The following HSPBAP1 variants were observed in gnomAD, a reference collection of about 807,000 sequenced individuals.
The protein encoded by HSPBAP1 is HSPB1-associated protein 1.
A neutral mutation model predicts 45.2 loss-of-function variants in HSPBAP1; 27 were observed. The observed-to-expected ratio is 0.60, with a 90% CI of 0.44 to 0.82. The LOEUF is 0.82. Ranked by LOEUF, HSPBAP1 falls within the 40% of genes least tolerant of loss-of-function variation. HSPBAP1 has a pLI of 0.00. For synonymous variants in HSPBAP1, 204 were observed against 202.7 expected (o/e 1.01, Z -0.06); for missense variants, 510 against 590.9 (o/e 0.86, Z 1.42).
intron 6 of HSPBAP1, among the ~76,000 whole-genome samples, chr3:122,747,454 G>A (rs1263807551): frequency 2.6e-5 from 4 of 151,548 alleles, no homozygotes; most frequent in Non-Finnish European, 5.9e-5. Flanking sequence ...GAGCGTCTCC[G>A]CCCGGCCAGC....
intron 1 of HSPBAP1, among the ~76,000 whole-genome samples, chr3:122,779,824 G>A (rs911993183): frequency 6.6e-6 from 1 of 151,844 alleles, no homozygotes; most frequent in African/African-American, 2.4e-5. Context: ...AGGGTTGGGG[G>A]TAAGGTCACA....
At chr3:122,760,407 A>G (rs1184087524) in intron 3 of HSPBAP1, among the ~76,000 whole-genome samples, 2 of 152,120 alleles carry the variant, frequency 1.3e-5, no homozygotes, top group African/African-American at 2.4e-5. Flanking sequence ...ATCGTTCTCA[A>G]TGCTGACACT....
intron 2 of HSPBAP1, among the ~76,000 whole-genome samples, chr3:122,770,400 C>CT (rs1464438878): frequency 2.0e-5 from 3 of 152,126 alleles, no homozygotes; most frequent in Admixed American, 2.0e-4. Flanking sequence ...TACATAAACT[C>CT]TTAACATACC....
At chr3:122,761,585 T>C (rs1934583204) in intron 3 of HSPBAP1, 1 of 150,964 alleles carries the variant, frequency 6.6e-6, no homozygotes, top group Non-Finnish European at 1.5e-5. Context: ...GCGTGGGCAA[T>C]GTTTGGTGAG....
intron 4 of HSPBAP1, among the ~76,000 whole-genome samples, chr3:122,757,820 C>A (rs1441930453): frequency 1.3e-5 from 2 of 152,148 alleles, no homozygotes; most frequent in African/African-American, 4.8e-5. Context: ...ACTTGAATTT[C>A]TTTGGCTTGT....
intron 1 of HSPBAP1, among the ~76,000 whole-genome samples, chr3:122,785,911 G>C (rs1935639152): frequency 6.6e-6 from 1 of 152,058 alleles, no homozygotes; most frequent in Non-Finnish European, 1.5e-5. Context: ...GTGTGTGTGT[G>C]TGTGTGCACG....
chr3:122,762,369 C>A (rs1934624034), intron 3 of HSPBAP1, among the ~76,000 whole-genome samples: 1 of 151,864 alleles, frequency 6.6e-6, no homozygotes, highest in Non-Finnish European at 1.5e-5. Context: ...TAAAGCCTGG[C>A]TCCCAAACTG....
At chr3:122,780,617 A>C (rs1344784858) in intron 1 of HSPBAP1, among the ~76,000 whole-genome samples, 81 of 103,060 alleles carry the variant, frequency 7.9e-4, no homozygotes, top group East Asian at 2.3e-3. Context: ...ACCCCCCCAC[A>C]TCCCTCCCGG....
At chr3:122,779,100 TGGCGCAGTCTC>T in intron 1 of HSPBAP1, among the ~76,000 whole-genome samples, 1 of 151,960 alleles carries the variant, frequency 6.6e-6, no homozygotes, top group Admixed American at 6.6e-5. Context: ...TGGAGTGCAG[TGGCGCAGTCTC>T]GGCTCACTGC....
Position 122,759,317 on chromosome 3 carries a change from T to C in HSPBAP1, c.476A>G (p.Gln159Arg), listed in dbSNP as rs1934483486. 1.2e-6 allele frequency: 2 copies of C among 1,613,874 alleles called. No homozygotes were observed. Among genetic ancestry groups the C allele is most frequent in the Admixed American group, 1.7e-5 (1 of 60,000 alleles). Residue 159 changes from glutamine to arginine, a missense_variant, in exon 4 of 8, where the codon CAG becomes CGG. Gln to Arg is a conservative substitution (Grantham distance 43, BLOSUM62 1). Transcript: ENST00000306103. ...SDFGFPGRNG[Q>R]ESTLWIGSLG... is the part of the protein sequence containing the mutation. ...GGAGCCAATCCACAATGTACTTTCC[T>C]GTCCATTTCTTCCAGGAAACCCGAA... is the stretch of plus-strand genomic sequence containing the variant.
intron 3 of HSPBAP1, among the ~76,000 whole-genome samples, chr3:122,763,777 C>T (rs572084632): frequency 6.6e-6 from 1 of 152,280 alleles, no homozygotes; most frequent in African/African-American, 2.4e-5. Context: ...AATCATACTC[C>T]AGATTAAAAT....
At chr3:122,761,378 A>G (rs946318089) in intron 3 of HSPBAP1, among the ~76,000 whole-genome samples, 1 of 149,808 alleles carries the variant, frequency 6.7e-6, no homozygotes, top group African/African-American at 2.5e-5. Flanking sequence ...TGCTTTGGAA[A>G]GAATCACTGA....
At chr3:122,742,183 A>G (rs1576228812) in intron 6 of HSPBAP1, among the ~76,000 whole-genome samples, 1 of 149,600 alleles carries the variant, frequency 6.7e-6, no homozygotes, top group East Asian at 1.9e-4. Flanking sequence ...ATATACATAT[A>G]TTAATATATG....
intron 6 of HSPBAP1, among the ~76,000 whole-genome samples, chr3:122,746,622 T>C (rs1234899215): frequency 6.6e-6 from 1 of 151,038 alleles, no homozygotes; most frequent in Non-Finnish European, 1.5e-5. Flanking sequence ...CTCTCCTCTC[T>C]CCTCTCTCTC....
chr3:122,793,774 C>A lies in HSPBAP1; in HGVS notation c.-94G>T. Reference sequence around the variant, plus strand: ...CCAAACTCCGAGACCCGAAGCTGCACCACAGGAAGGAGCCCCGGCGACTCC... The same window carrying A: ...CCAAACTCCGAGACCCGAAGCTGCAACACAGGAAGGAGCCCCGGCGACTCC... On this transcript the variant is annotated 5_prime_UTR_variant, in exon 1 of 8. Coordinates refer to ENST00000306103, the MANE Select transcript of HSPBAP1 (RefSeq NM_024610.6). 8.3e-7 allele frequency: 1 copy of A among 1,208,552 alleles called. No individual in the cohort carries two copies. Among genetic ancestry groups the A allele is most frequent in the Non-Finnish European group, 1.2e-6 (1 of 834,660 alleles). The allele number at this position is 1,208,552 out of a possible 1,614,324, so 74.9% of individuals were successfully genotyped here. A position where few individuals can be genotyped will look rare whatever the true frequency, so the allele number is the denominator to read the frequency against.
intron 1 of HSPBAP1, among the ~76,000 whole-genome samples, chr3:122,783,836 T>C (rs1935569527): frequency 2.0e-5 from 1 of 50,594 alleles, no homozygotes; most frequent in Non-Finnish European, 7.1e-5. Context: ...CAACTTTCTT[T>C]TTTTTTTTTT....
At chr3:122,740,947 A>G in intron 7 of HSPBAP1, 56 bp downstream of exon 7, 1 of 1,607,152 alleles carries the variant, frequency 6.2e-7, no homozygotes, top group South Asian at 1.1e-5. Flanking sequence ...TGTTCTAGTC[A>G]GGGCTGGTTT....
At chr3:122,778,524 T>TTTA (rs1491254349) in intron 1 of HSPBAP1, among the ~76,000 whole-genome samples, 5,920 of 37,272 alleles carry the variant, frequency 0.16, 383 homozygotes, top group African/African-American at 0.3. Context: ...TTTTTTTTTA[T>TTTA]TTTTTTTTTT....
chr3:122,741,143 T>C, intron 6 of HSPBAP1, 30 bp from the exon 7 acceptor site: 1 of 1,471,650 alleles, frequency 6.8e-7, no homozygotes, highest in Non-Finnish European at 9.5e-7. Flanking sequence ...TTTTAACTTC[T>C]GTTAAGTCTC....
Sources: gnomAD v4.1 joint callset for allele counts (sites outside exome capture counted in the v4.1 genomes callset) on GRCh38, gnomAD v4.1.1 for gene constraint, MANE v1.5 for transcripts, NCBI Gene and HGNC (gene_info 2026-07-23, HGNC 2026-07-21) for gene names.